The following SMARCC1 variants were observed in gnomAD, a reference collection of about 807,000 sequenced individuals.
SMARCC1 encodes SWI/SNF complex subunit SMARCC1.
SMARCC1 carries 43 observed loss-of-function variants against 147.4 expected under a neutral mutation model. The ratio of observed to expected loss-of-function variants is 0.29; its 90% CI spans 0.23 to 0.38. SMARCC1 has a LOEUF of 0.38. Among genes scored for constraint, SMARCC1 ranks in the 10% least tolerant of loss-of-function variants. The pLI, the probability that SMARCC1 is intolerant of heterozygous loss-of-function variation, is 1.00. For missense variants in SMARCC1, 1,119 were observed against 1,381.1 expected (o/e 0.81, Z 3.01); for synonymous variants, 495 against 484.4 (o/e 1.02, Z -0.29).
chr3:47,757,197 G>A (rs1191527773), intron 2 of SMARCC1, among the ~76,000 whole-genome samples: 1 of 152,046 alleles, frequency 6.6e-6, no homozygotes, highest in Non-Finnish European at 1.5e-5. Flanking sequence ...GCCGCAGTGA[G>A]CTATGATCAA....
chr3:47,741,840 C>G (rs1455084893), intron 3 of SMARCC1, among the ~76,000 whole-genome samples: 8 of 151,774 alleles, frequency 5.3e-5, no homozygotes, highest in Non-Finnish European at 7.4e-5. Flanking sequence ...CCTCAGCCTC[C>G]CAAAGTGCTC....
chr3:47,625,534 C>T lies in SMARCC1; in HGVS notation c.2647-3193G>A, dbSNP rs192502431. 3.3e-3 allele frequency among the ~76,000 whole-genome samples: 506 copies of T among 152,090 alleles called. 4 individuals are homozygous for T. The highest frequency in any genetic ancestry group is 0.011 in the African/African-American group (471 of 41,458). On this transcript the variant is annotated intron_variant, in intron 24 of 27. Transcript: ENST00000254480. Reference sequence around the variant, plus strand: ...ACCGGCATGAGCCACCGTGCCCAGCCTACTTCTATATATATTCTAATACTT... The same window carrying T: ...ACCGGCATGAGCCACCGTGCCCAGCTTACTTCTATATATATTCTAATACTT...
intron 21 of SMARCC1, among the ~76,000 whole-genome samples, chr3:47,646,800 T>C (rs1485528545): frequency 6.6e-6 from 1 of 152,170 alleles, no homozygotes. Context: ...CCCTTCAAAA[T>C]CAGTCCCCCA....
chr3:47,749,164 C>T (rs944814667), intron 2 of SMARCC1, among the ~76,000 whole-genome samples: 2 of 151,972 alleles, frequency 1.3e-5, no homozygotes, highest in Admixed American at 1.3e-4. Flanking sequence ...ATTAGCCGGG[C>T]GTGGTGGCAC....
intron 26 of SMARCC1, among the ~76,000 whole-genome samples, chr3:47,596,765 G>A (rs2032290346): frequency 6.6e-6 from 1 of 152,024 alleles, no homozygotes; most frequent in South Asian, 2.1e-4. Context: ...AGAGGAGTTA[G>A]TGCCTAGAGC....
At chr3:47,673,248 G>A (rs753333964) in intron 18 of SMARCC1, among the ~76,000 whole-genome samples, 92 of 151,998 alleles carry the variant, frequency 6.1e-4, no homozygotes, top group Non-Finnish European at 9.7e-4. Flanking sequence ...AAAAAAGCCG[G>A]GTGTGGTGGC....
intron 25 of SMARCC1, among the ~76,000 whole-genome samples, chr3:47,619,554 G>A (rs1186970299): frequency 6.6e-6 from 1 of 152,234 alleles, no homozygotes; most frequent in East Asian, 1.9e-4. Context: ...CAGAGAAGCA[G>A]GATGCAAACA....
chr3:47,587,979 G>A lies in SMARCC1; in HGVS notation c.*230C>T, dbSNP rs1380731005. 3 of 527,712 alleles carry A rather than the reference G, an allele frequency of 5.7e-6. No individual in the cohort carries two copies. In the African/African-American group the frequency reaches 5.9e-5, roughly 10 times the overall value. 32.7% of individuals were successfully genotyped at this position (527,712 alleles called of 1,614,324 possible). On this transcript the variant is annotated 3_prime_UTR_variant, in exon 28 of 28. Transcript: ENST00000254480. ...GGGAGATGCAGGTTATTTTAAGGATGACCAGGGCACACTGTCACTACAGGT... is the reference window on the plus strand; with the variant it reads ...GGGAGATGCAGGTTATTTTAAGGATAACCAGGGCACACTGTCACTACAGGT...
intron 26 of SMARCC1, among the ~76,000 whole-genome samples, chr3:47,600,089 T>C (rs888992875): frequency 3.9e-5 from 6 of 152,244 alleles, no homozygotes; most frequent in Non-Finnish European, 7.3e-5. Flanking sequence ...TCATTTATTA[T>C]AAATTCTAAA....
chr3:47,676,428 G>A (rs2033574763), intron 17 of SMARCC1, among the ~76,000 whole-genome samples: 1 of 152,100 alleles, frequency 6.6e-6, no homozygotes, highest in South Asian at 2.1e-4. Context: ...CTTGGGATTG[G>A]TGGGACAGCA....
chr3:47,719,400 GA>G (rs1336640521), intron 7 of SMARCC1, among the ~76,000 whole-genome samples: 3 of 151,644 alleles, frequency 2.0e-5, no homozygotes, highest in Admixed American at 6.6e-5. Flanking sequence ...AGTAGTTTTT[GA>G]AAAAAGCAAA....
At chr3:47,711,565 T>C (rs2034085209) in intron 8 of SMARCC1, among the ~76,000 whole-genome samples, 1 of 151,984 alleles carries the variant, frequency 6.6e-6, no homozygotes, top group Non-Finnish European at 1.5e-5. Flanking sequence ...GAAATGAACA[T>C]GTTCAGTCAA....
chr3:47,617,668 GC>G (rs997218124), intron 25 of SMARCC1, among the ~76,000 whole-genome samples: 3 of 152,206 alleles, frequency 2.0e-5, no homozygotes, highest in Non-Finnish European at 4.4e-5. Context: ...GGATGCTAGT[GC>G]TAGAGTGAGA....
chr3:47,707,929 A>AC (rs1484665263), intron 9 of SMARCC1, among the ~76,000 whole-genome samples: 2 of 152,056 alleles, frequency 1.3e-5, no homozygotes, highest in Admixed American at 6.6e-5. Flanking sequence ...CTCTGTTGCC[A>AC]TCCTATTCCT....
At chr3:47,670,990 G>A (rs913563219) in intron 18 of SMARCC1, among the ~76,000 whole-genome samples, 3 of 151,542 alleles carry the variant, frequency 2.0e-5, no homozygotes, top group Admixed American at 6.6e-5. Context: ...TTCTAGACAA[G>A]CCTGGCCAAC....
chr3:47,613,604 C>T (rs994289769), intron 25 of SMARCC1, among the ~76,000 whole-genome samples: 1 of 152,106 alleles, frequency 6.6e-6, no homozygotes, highest in African/African-American at 2.4e-5. Flanking sequence ...AGGTGATCCG[C>T]CCGCCTCAGC....
chr3:47,594,829 A>C (rs1260023530), intron 26 of SMARCC1, among the ~76,000 whole-genome samples: 1 of 152,152 alleles, frequency 6.6e-6, no homozygotes, highest in Non-Finnish European at 1.5e-5. Context: ...ACAAACCAGT[A>C]AGAAATAATA....
At chr3:47,760,369 T>C (rs1230998148) in intron 2 of SMARCC1, among the ~76,000 whole-genome samples, 11 of 151,870 alleles carry the variant, frequency 7.2e-5, no homozygotes. Flanking sequence ...GCTTCAAAAA[T>C]GTTAAGTCAT....
intron 26 of SMARCC1, among the ~76,000 whole-genome samples, chr3:47,605,562 A>G (rs1343418881): frequency 6.6e-6 from 1 of 152,222 alleles, no homozygotes; most frequent in Non-Finnish European, 1.5e-5. Flanking sequence ...ACTTAAGCCC[A>G]GGAGTTCAAG....
Sources: allele counts gnomAD v4.1 joint callset (sites outside exome capture counted in the v4.1 genomes callset), GRCh38; gene constraint gnomAD v4.1.1; transcripts MANE v1.5; gene names NCBI Gene and HGNC (gene_info 2026-07-23, HGNC 2026-07-21).